RPH3A: variants seen among roughly 807,000 people sequenced by gnomAD.
RPH3A encodes the protein rabphilin-3A.
In RPH3A, 48 loss-of-function variants were observed where a neutral mutation model predicts 102.2. That is an observed-to-expected ratio of 0.47 (90% CI 0.37 to 0.60). The LOEUF is 0.60. Ranked by LOEUF, RPH3A falls within the 20% of genes least tolerant of loss-of-function variation. RPH3A has a pLI of 0.00. For synonymous variants in RPH3A, 310 were observed against 324.3 expected (o/e 0.96, Z 0.47); for missense variants, 781 against 910.1 (o/e 0.86, Z 1.83).
intron 1 of RPH3A, among the ~76,000 whole-genome samples, chr12:112,624,509 G>T (rs2039757401): frequency 6.7e-6 from 1 of 148,964 alleles, no homozygotes; most frequent in South Asian, 2.1e-4. Flanking sequence ...AAACCAGGAA[G>T]AAGTTGAATC....
At chr12:112,631,402 A>G (rs10850066) in intron 1 of RPH3A, among the ~76,000 whole-genome samples, 133,586 of 152,164 alleles carry the variant, frequency 0.88, 58,913 homozygotes, top group East Asian at 0.98. Flanking sequence ...AACTAGCTGC[A>G]ACGGAGTTTC....
At position 112,797,367 on chromosome 12, in the gene RPH3A, A is replaced by C. The variant is rs144951660; in HGVS notation, c.-19+5104A>C. The stretch of plus-strand genomic sequence containing the variant: ...AGCAGGGGGAGGGGGCTGCATTACT[A>C]GGCTTGTAGGCAAAAGAGGGGCAAA... On this transcript the variant is annotated intron_variant, in intron 2 of 21. Coordinates refer to ENST00000389385, the MANE Select transcript of RPH3A (RefSeq NM_001143854.2). Among the ~76,000 whole-genome samples, 1,306 of 152,268 alleles carry C rather than the reference A, an allele frequency of 8.6e-3. 16 individuals carry two copies. Among genetic ancestry groups the C allele is most frequent in the African/African-American group, 0.03 (1,236 of 41,540 alleles).
chr12:112,775,473 T>C (rs1003102718), intron 1 of RPH3A, among the ~76,000 whole-genome samples: 1 of 152,194 alleles, frequency 6.6e-6, no homozygotes, highest in Non-Finnish European at 1.5e-5. Flanking sequence ...AGAGAGAGAT[T>C]AGAATTCAAC....
At chr12:112,829,141 A>T (rs2041927372) in intron 3 of RPH3A, among the ~76,000 whole-genome samples, 1 of 152,334 alleles carries the variant, frequency 6.6e-6, no homozygotes, top group South Asian at 2.1e-4. Context: ...TCGATCTTAT[A>T]TTAGACGGTA....
At chr12:112,866,476 A>T (rs181610149) in intron 6 of RPH3A, among the ~76,000 whole-genome samples, 10 of 152,322 alleles carry the variant, frequency 6.6e-5, no homozygotes, top group Admixed American at 6.5e-4. Flanking sequence ...TTTAGAAAAA[A>T]GTATGTCAGT....
chr12:112,848,301 G>C, intron 5 of RPH3A, among the ~76,000 whole-genome samples: 1 of 152,172 alleles, frequency 6.6e-6, no homozygotes, highest in East Asian at 1.9e-4. Flanking sequence ...AGGACAGAGA[G>C]TAGGTAAAAA....
intron 1 of RPH3A, among the ~76,000 whole-genome samples, chr12:112,580,464 C>T (rs113277511): frequency 2.2e-5 from 3 of 136,810 alleles, no homozygotes; most frequent in African/African-American, 8.2e-5. Flanking sequence ...AGTGCAGTGG[C>T]GCGATCTCGG....
intron 2 of RPH3A, among the ~76,000 whole-genome samples, chr12:112,801,996 A>G (rs1392143871): frequency 2.0e-5 from 3 of 152,200 alleles, no homozygotes; most frequent in Non-Finnish European, 4.4e-5. Context: ...TCTCCAAGGC[A>G]TCAGTCCCCT....
At chr12:112,668,811 C>T (rs1311610550) in intron 1 of RPH3A, among the ~76,000 whole-genome samples, 3 of 151,676 alleles carry the variant, frequency 2.0e-5, no homozygotes, top group African/African-American at 7.3e-5. Context: ...GTATTCCAGA[C>T]TTAAAGTTAA....
chr12:112,651,377 C>A (rs1043192538), intron 1 of RPH3A, among the ~76,000 whole-genome samples: 14 of 125,064 alleles, frequency 1.1e-4, no homozygotes, highest in East Asian at 2.0e-4. Flanking sequence ...ACCAAAAAAA[C>A]CCCCAAAAAA....
intron 6 of RPH3A, 123 bp downstream of exon 6, chr12:112,865,666 A>G: frequency 7.3e-6 from 8 of 1,094,500 alleles, no homozygotes; most frequent in Non-Finnish European, 8.9e-6. Flanking sequence ...ATCACTTGCC[A>G]GGATATGGTT....
At chr12:112,591,388 C>G in intron 1 of RPH3A, among the ~76,000 whole-genome samples, 1 of 152,234 alleles carries the variant, frequency 6.6e-6, no homozygotes, top group East Asian at 1.9e-4. Flanking sequence ...CTGCACTGGC[C>G]CTGCAGAGCG....
At chr12:112,684,866 A>G (rs2136018419) in intron 1 of RPH3A, among the ~76,000 whole-genome samples, 1 of 152,354 alleles carries the variant, frequency 6.6e-6, no homozygotes, top group Non-Finnish European at 1.5e-5. Context: ...TCAAGGTGCC[A>G]GCAGATTCAA....
chr12:112,819,009 C>A (rs2041728843), intron 2 of RPH3A, among the ~76,000 whole-genome samples: 1 of 151,696 alleles, frequency 6.6e-6, no homozygotes, highest in Non-Finnish European at 1.5e-5. Context: ...TCTCAACAAC[C>A]CTGCAAGACA....
rs753083986 is a variant in RPH3A at position 112,890,016 on chromosome 12, CT to C, written c.1564-4del. 1.1e-5 allele frequency: 17 copies of C among 1,613,122 alleles called. No homozygotes were observed. The highest frequency in any genetic ancestry group is 1.3e-5 in the Non-Finnish European group (15 of 1,179,752). ...AATGTTATCTTTTATTTGTTTTCTT[CT>C]TTTAAGATGAAACGTGCTGGGACCA... On this transcript the variant is annotated splice_region_variant and splice_polypyrimidine_tract_variant and intron_variant, in intron 17 of 21. Coordinates refer to ENST00000389385, the MANE Select transcript of RPH3A (RefSeq NM_001143854.2).
intron 1 of RPH3A, among the ~76,000 whole-genome samples, chr12:112,640,642 A>G (rs570738052): frequency 6.6e-6 from 1 of 152,338 alleles, no homozygotes; most frequent in South Asian, 2.1e-4. Flanking sequence ...GATTGAATCA[A>G]CTGTCAGAAA....
At chr12:112,658,674 G>A (rs771179850) in intron 1 of RPH3A, among the ~76,000 whole-genome samples, 1 of 152,208 alleles carries the variant, frequency 6.6e-6, no homozygotes, top group African/African-American at 2.4e-5. Context: ...TGCAGGCTGA[G>A]CCAACAGGAT....
intron 1 of RPH3A, among the ~76,000 whole-genome samples, chr12:112,707,796 G>A (rs1386335878): frequency 1.3e-5 from 2 of 152,230 alleles, no homozygotes; most frequent in Non-Finnish European, 2.9e-5. Flanking sequence ...GGACAGTCAA[G>A]GTGTAATGGT....
intron 1 of RPH3A, among the ~76,000 whole-genome samples, chr12:112,691,524 G>A (rs2040307370): frequency 6.6e-6 from 1 of 152,158 alleles, no homozygotes; most frequent in African/African-American, 2.4e-5. Flanking sequence ...TACCCTTTTG[G>A]TGAACACTGC....
Sources: gnomAD v4.1 joint callset for allele counts (sites outside exome capture counted in the v4.1 genomes callset) on GRCh38, gnomAD v4.1.1 for gene constraint, MANE v1.5 for transcripts, NCBI Gene and HGNC (gene_info 2026-07-23, HGNC 2026-07-21) for gene names.